AMPD3: variants seen among roughly 807,000 people sequenced by gnomAD.
AMPD3 encodes the protein adenosine monophosphate deaminase 3.
AMPD3 carries 57 observed loss-of-function variants against 82.3 expected under a neutral mutation model. The ratio of observed to expected loss-of-function variants is 0.69; its 90% confidence interval spans 0.56 to 0.86. The LOEUF (loss-of-function observed/expected upper bound fraction) is 0.86. AMPD3 is among the 40% of genes least tolerant of loss of function. The pLI is 0.00. For missense variants in AMPD3, 870 were observed against 1,003.8 expected (o/e 0.87, Z 1.80); for synonymous variants, 381 against 394.7 (o/e 0.97, Z 0.41).
intron 4 of AMPD3, among the ~76,000 whole-genome samples, chr11:10,482,658 CA>C (rs1311818455): frequency 3.4e-5 from 5 of 148,236 alleles, no homozygotes; most frequent in Non-Finnish European, 5.9e-5. Flanking sequence ...ATCAAAGGCA[CA>C]CACCGCCACA....
At position 10,498,888 on chromosome 11, in the gene AMPD3, T is replaced by C. The variant is rs115576236; in HGVS notation, c.1558-1198T>C. On this transcript the variant is annotated intron_variant, in intron 10 of 14. Transcript: ENST00000396553. ...GCTGAGAGCCCGTACCCTCCATGCA[T>C]GTGTTCTTGGTTGGGGATGACCCCT... Among the ~76,000 whole-genome samples the C allele has an allele frequency of 8.8e-3, 1,346 of 152,320 alleles. 20 individuals are homozygous for C. Among genetic ancestry groups the C allele is most frequent in the African/African-American group, 0.03 (1,248 of 41,572 alleles).
At chr11:10,502,273 C>T in intron 12 of AMPD3, 1 of 985,440 alleles carries the variant, frequency 1.0e-6, no homozygotes, top group South Asian at 4.7e-5. Context: ...TCCACCCCTC[C>T]CATCCCTTCA....
chr11:10,468,754 T>A (rs527792586), intron 2 of AMPD3, among the ~76,000 whole-genome samples: 1 of 152,272 alleles, frequency 6.6e-6, no homozygotes, highest in East Asian at 1.9e-4. Flanking sequence ...AAAACACTCC[T>A]CAGCAAACGC....
Position 10,502,776 on chromosome 11 carries a change from C to G in AMPD3, c.1898C>G (p.Pro633Arg). Residue 633 changes from proline (P) to arginine (R), a missense_variant, in exon 13 of 15, where the codon CCT (proline) becomes CGT (arginine). Physicochemically the swap from Pro to Arg is moderately radical, Grantham distance 103. Transcript: ENST00000396553. ...GCTCAGATCCCCATTGCCATGTCTC[C>G]TCTTAGCAACAACAGTTTGTTCCTC... The part of the protein sequence containing the change: ...YLAQIPIAMS[P>R]LSNNSLFLEY... 6.2e-7 allele frequency: 1 copy of G among 1,614,200 alleles called. No homozygotes were observed. Among genetic ancestry groups the G allele is most frequent in the Non-Finnish European group, 8.5e-7 (1 of 1,180,010 alleles).
intron 11 of AMPD3, 75 bp from the exon 12 acceptor site, chr11:10,501,395 T>G: frequency 4.4e-6 from 7 of 1,590,182 alleles, no homozygotes; most frequent in Admixed American, 1.7e-5. Flanking sequence ...GAGCTGGCCC[T>G]GAGCTGTGGC....
At chr11:10,473,856 C>T (rs1848662837) in intron 2 of AMPD3, among the ~76,000 whole-genome samples, 1 of 152,180 alleles carries the variant, frequency 6.6e-6, no homozygotes, top group Non-Finnish European at 1.5e-5. Context: ...CCTGTCCCGC[C>T]TGATGGCATT....
intron 1 of AMPD3, among the ~76,000 whole-genome samples, chr11:10,459,006 T>C (rs1021455730): frequency 6.6e-6 from 1 of 152,178 alleles, no homozygotes; most frequent in African/African-American, 2.4e-5. Context: ...TGGTTCTTTG[T>C]GCTGTTCCAG....
intron 3 of AMPD3, chr11:10,481,607 T>C (rs1848907905): frequency 1.5e-6 from 1 of 663,508 alleles, no homozygotes; most frequent in Non-Finnish European, 1.9e-6. Context: ...TTTGATTTAT[T>C]ACAGTGAAAG....
intron 13 of AMPD3, chr11:10,503,856 C>T: frequency 2.2e-6 from 1 of 463,482 alleles, no homozygotes; most frequent in Non-Finnish European, 2.8e-6. Flanking sequence ...TTGGAAAAGA[C>T]AAGACCTTTC....
rs1057435784 is a variant in AMPD3 at position 10,488,158 on chromosome 11, G to T, written c.939+794G>T. The T allele has an allele frequency of 1.5e-5, 14 of 965,060 alleles. No individual in the cohort carries two copies. The Admixed American group carries it at 3.7e-4, about 25-fold the overall frequency. 59.8% of individuals were successfully genotyped at this position (965,060 alleles called of 1,614,324 possible). A position where few individuals can be genotyped will look rare whatever the true frequency, so the allele number is the denominator to read the frequency against. ...ATGGCAGCCTTGTCCGGGGCTCCTG[G>T]CAGTCTCCGCCTGCAGGGGCCGCAA... On this transcript the variant is annotated intron_variant, in intron 6 of 14. Coordinates refer to ENST00000396553, the MANE Select transcript of AMPD3 (RefSeq NM_001025389.2).
rs1467812323 is a variant in AMPD3 at position 10,506,147 on chromosome 11, AT to A, written c.*266del. 12 of 486,780 alleles carry A rather than the reference AT, an allele frequency of 2.5e-5. No individual in the cohort carries two copies. The highest frequency in any genetic ancestry group is 5.8e-4 in the Middle Eastern group (1 of 1,714). 30.2% of individuals were successfully genotyped at this position (486,780 alleles called of 1,614,324 possible). A position where few individuals can be genotyped will look rare whatever the true frequency, so the allele number is the denominator to read the frequency against. Reference sequence around the variant, plus strand: ...TATACTTGTTCCTAATTTTCCAAGTATTTCTCTTGAAACTGCCAGTGCCTGA... The same window carrying A: ...TATACTTGTTCCTAATTTTCCAAGTATTCTCTTGAAACTGCCAGTGCCTGA... On this transcript the variant is annotated 3_prime_UTR_variant, in exon 15 of 15. Coordinates refer to ENST00000396553, the MANE Select transcript of AMPD3 (RefSeq NM_001025389.2). This position sits in a 1 kb window ranked among gnomAD's most constrained non-coding sequence, Gnocchi z 4.1.
intron 1 of AMPD3, among the ~76,000 whole-genome samples, chr11:10,460,479 T>C (rs2133820090): frequency 6.6e-6 from 1 of 151,136 alleles, no homozygotes; most frequent in Non-Finnish European, 1.5e-5. Flanking sequence ...CAATCTTGGC[T>C]CATTGCAACC....
At chr11:10,479,193 A>C (rs1435135034) in intron 3 of AMPD3, among the ~76,000 whole-genome samples, 1 of 152,220 alleles carries the variant, frequency 6.6e-6, no homozygotes, top group Non-Finnish European at 1.5e-5. Context: ...CCCTTCAACC[A>C]GGAAGAGAGA....
chr11:10,485,451 C>T (rs532002824), intron 5 of AMPD3, among the ~76,000 whole-genome samples: 5 of 152,148 alleles, frequency 3.3e-5, no homozygotes, highest in South Asian at 2.1e-4. Context: ...TGCCATGTTG[C>T]CTAGGCTGGT....
chr11:10,504,148 A>G, intron 13 of AMPD3: 1 of 878,604 alleles, frequency 1.1e-6, no homozygotes. Context: ...CTATCTATCT[A>G]TTTATCTATC....
At chr11:10,479,050 G>C (rs1378726927) in intron 3 of AMPD3, among the ~76,000 whole-genome samples, 1 of 152,210 alleles carries the variant, frequency 6.6e-6, no homozygotes, top group Non-Finnish European at 1.5e-5. Context: ...AAAGGTGCCA[G>C]CTTGGGCCTT....
chr11:10,476,557 GACC>G (rs2133871605), intron 2 of AMPD3, among the ~76,000 whole-genome samples: 1 of 152,158 alleles, frequency 6.6e-6, no homozygotes, highest in Admixed American at 6.5e-5. Flanking sequence ...TTGTTGGTAG[GACC>G]AGACCTCAGG....
At chr11:10,490,515 G>A (rs1849210077) in intron 6 of AMPD3, 1 of 985,254 alleles carries the variant, frequency 1.0e-6, no homozygotes, top group Non-Finnish European at 1.2e-6. Flanking sequence ...TACATCTGAG[G>A]TCTTAGGTGA....
At chr11:10,489,298 C>G (rs1167302006) in intron 6 of AMPD3, among the ~76,000 whole-genome samples, 1 of 152,206 alleles carries the variant, frequency 6.6e-6, no homozygotes, top group Non-Finnish European at 1.5e-5. Flanking sequence ...CGATGCAGCC[C>G]TGCCCTGAGC....
Sources: gnomAD v4.1 joint callset for allele counts (sites outside exome capture counted in the v4.1 genomes callset) on GRCh38, gnomAD v4.1.1 for gene constraint, Gnocchi (gnomAD v3.1) non-coding constraint, MANE v1.5 for transcripts, NCBI Gene and HGNC (gene_info 2026-07-23, HGNC 2026-07-21) for gene names.